The following DOCK9 variants were observed in gnomAD, a reference collection of about 807,000 sequenced individuals.
The protein encoded by DOCK9 is dedicator of cytokinesis protein 9.
In DOCK9, 89 loss-of-function variants were observed where a neutral mutation model predicts 263.3. The ratio of observed to expected loss-of-function variants is 0.34; its 90% confidence interval spans 0.28 to 0.40. The LOEUF (loss-of-function observed/expected upper bound fraction) is 0.40. Among genes scored for constraint, DOCK9 ranks in the 10% least tolerant of loss-of-function variants. The probability of loss-of-function intolerance (pLI) is 1.00; values close to 1 mark genes in which losing one functional copy is unlikely to be tolerated. For missense variants in DOCK9, 2,140 were observed against 2,603.4 expected, an observed-to-expected ratio of 0.82 and a Z score of 3.87; for synonymous variants, 976 against 973.1, an observed-to-expected ratio of 1.00 and a Z score of -0.06.
chr13:98,951,816 GC>G (rs1294012558), intron 2 of DOCK9, among the ~76,000 whole-genome samples: 2 of 152,160 alleles, frequency 1.3e-5, no homozygotes, highest in Non-Finnish European at 1.5e-5. Flanking sequence ...AAAAAGAAGG[GC>G]CATCAGCTAG....
chr13:98,827,507 G>A (rs143027763), intron 43 of DOCK9, among the ~76,000 whole-genome samples: 5,180 of 152,306 alleles, frequency 0.034, 126 homozygotes, highest in Middle Eastern at 0.088. Flanking sequence ...TAATGCATGC[G>A]GTTCTGTGCC....
intron 38 of DOCK9, among the ~76,000 whole-genome samples, chr13:98,843,150 G>T (rs535953493): frequency 6.6e-6 from 1 of 152,142 alleles, no homozygotes; most frequent in African/African-American, 2.4e-5. Flanking sequence ...AGATGTACAG[G>T]GACTCTTCCT....
At chr13:98,977,707 C>T (rs1456045306) in intron 1 of DOCK9, 77 bp downstream of exon 1, 4 of 1,439,418 alleles carry the variant, frequency 2.8e-6, no homozygotes, top group East Asian at 2.5e-5. Context: ...AGGCAACAGG[C>T]GTCAACCCCG....
intron 3 of DOCK9, 102 bp from the exon 4 acceptor site, chr13:98,926,021 A>C (rs2052896598): frequency 4.6e-6 from 4 of 871,950 alleles, no homozygotes; most frequent in Non-Finnish European, 6.7e-6. Flanking sequence ...TAGAAACATC[A>C]AAAAAATTTT....
chr13:98,925,819 A>G lies in DOCK9; in HGVS notation c.416+18T>C. On this transcript the variant is annotated intron_variant, in intron 4 of 52. Transcript: ENST00000682017. ...AGTACAAAGACTTTTCCCTATGTGT[A>G]TAATATAGCTTACTCACTTCGGAAG... is the stretch of plus-strand genomic sequence containing the variant. 3 of 1,527,630 alleles carry G rather than the reference A, an allele frequency of 2.0e-6. No individual in the cohort carries two copies. The African/African-American group carries it at 4.1e-5, about 21-fold the overall frequency. The allele number at this position is 1,527,630 out of a possible 1,614,324, so 94.6% of individuals were successfully genotyped here. A position where few individuals can be genotyped will look rare whatever the true frequency, so the allele number is the denominator to read the frequency against.
chr13:98,870,898 C>CA (rs11404800), intron 27 of DOCK9, among the ~76,000 whole-genome samples: 73,773 of 134,858 alleles, frequency 0.55, 19,526 homozygotes, highest in Middle Eastern at 0.59. Flanking sequence ...AATATGTTGC[C>CA]AAAAAAAAAA....
At chr13:98,872,827 T>C (rs555047632) in intron 27 of DOCK9, among the ~76,000 whole-genome samples, 25 of 152,316 alleles carry the variant, frequency 1.6e-4, no homozygotes, top group African/African-American at 6.0e-4. Flanking sequence ...GCACCTCACA[T>C]CTTCAGTTGC....
intron 14 of DOCK9, 38 bp from the exon 15 acceptor site, chr13:98,897,648 A>C: frequency 6.2e-7 from 1 of 1,606,532 alleles, no homozygotes; most frequent in Non-Finnish European, 8.5e-7. Flanking sequence ...CTGGGTTTCC[A>C]AAACACCAAA....
At chr13:98,981,525 G>A (rs1877202470), upstream of DOCK9, among the ~76,000 whole-genome samples, 2 of 152,198 alleles carry the variant, frequency 1.3e-5, no homozygotes, top group Admixed American at 1.3e-4. Context: ...ATCCAAGATT[G>A]AGAACAGCAA....
At chr13:98,884,659 A>G (rs922570151) in intron 21 of DOCK9, among the ~76,000 whole-genome samples, 1 of 152,236 alleles carries the variant, frequency 6.6e-6, no homozygotes, top group Non-Finnish European at 1.5e-5. Flanking sequence ...CATGACCCTA[A>G]GAACTCATCT....
At chr13:99,062,253 G>C (rs2142299353) in intron 1 of DOCK9, among the ~76,000 whole-genome samples, 1 of 152,172 alleles carries the variant, frequency 6.6e-6, no homozygotes, top group Admixed American at 6.5e-5. Flanking sequence ...AACTCAGTAG[G>C]AATTGTGCCA....
chr13:98,830,436 CCAT>C lies in DOCK9; in HGVS notation c.4636-683_4636-681del, dbSNP rs139181691. Among the ~76,000 whole-genome samples, 957 of 152,280 alleles carry C rather than the reference CCAT, an allele frequency of 6.3e-3. 4 individuals carry two copies. Among genetic ancestry groups the C allele is most frequent in the African/African-American group, 0.022 (921 of 41,556 alleles). Reference sequence around the variant, plus strand: ...AGCTGAGGTCTAGACTACCCTTGACCCATCATCAACACAGGAGTCCAGAAGATC... The same window carrying C: ...AGCTGAGGTCTAGACTACCCTTGACCCATCAACACAGGAGTCCAGAAGATC... On this transcript the variant is annotated intron_variant, in intron 41 of 52. Coordinates refer to ENST00000682017, the MANE Select transcript of DOCK9 (RefSeq NM_001366683.2).
intron 27 of DOCK9, among the ~76,000 whole-genome samples, chr13:98,872,415 G>GT (rs11388663): frequency 0.53 from 79,490 of 149,778 alleles, 21,460 homozygotes; most frequent in Middle Eastern, 0.6. Context: ...TTTGTTTTTT[G>GT]TTTTTTTTTG....
chr13:98,862,165 G>A (rs1287497405), intron 32 of DOCK9, among the ~76,000 whole-genome samples: 2 of 152,168 alleles, frequency 1.3e-5, no homozygotes, highest in African/African-American at 4.8e-5. Context: ...TGAAGGTGTA[G>A]TGACTGACCC....
intron 1 of DOCK9, among the ~76,000 whole-genome samples, chr13:99,028,610 A>G (rs1006719524): frequency 1.3e-5 from 2 of 152,208 alleles, no homozygotes; most frequent in Non-Finnish European, 2.9e-5. Flanking sequence ...CATTATTTAT[A>G]CAAACATTGT....
In DOCK9 at chr13:98,902,366, C is replaced by A. The variant is rs1265110527; in HGVS notation, c.1302G>T (p.Ala434=). 8.1e-6 allele frequency: 13 copies of A among 1,613,870 alleles called. No homozygotes were observed. Among genetic ancestry groups the A allele is most frequent in the Non-Finnish European group, 1.0e-5 (12 of 1,179,896 alleles). The change falls in exon 12 of 53, where the codon GCG becomes GCT. Residue 434 remains alanine (A), a synonymous_variant. Coordinates refer to ENST00000682017, the MANE Select transcript of DOCK9 (RefSeq NM_001366683.2). ...VRQMLATTSP[A]LMNGSGQSPS... is the part of the protein sequence containing the mutation. ...GGCTCTGCCCACTGCCATTCATCAG[C>A]GCCGGGGACGTGGTGGCGAGCATTT...
chr13:98,867,560 T>C, intron 29 of DOCK9, 24 bp from the exon 30 acceptor site: 2 of 1,363,010 alleles, frequency 1.5e-6, no homozygotes, highest in Non-Finnish European at 2.1e-6. Flanking sequence ...TGTGTAGTCA[T>C]AAATACCTCA....
chr13:99,010,579 G>A (rs1313807136), intron 1 of DOCK9, among the ~76,000 whole-genome samples: 1 of 150,512 alleles, frequency 6.6e-6, no homozygotes, highest in Non-Finnish European at 1.5e-5. Flanking sequence ...CCGAAAAGGG[G>A]AAATACTTTA....
At chr13:98,804,368 G>A (rs2090453569) in intron 49 of DOCK9, among the ~76,000 whole-genome samples, 1 of 152,170 alleles carries the variant, frequency 6.6e-6, no homozygotes, top group South Asian at 2.1e-4. Flanking sequence ...CCAGGGACCG[G>A]GAAATGATGC....
Sources: gnomAD v4.1 joint callset for allele counts (sites outside exome capture counted in the v4.1 genomes callset) on GRCh38, gnomAD v4.1.1 for gene constraint, MANE v1.5 for transcripts, NCBI Gene and HGNC (gene_info 2026-07-23, HGNC 2026-07-21) for gene names.